Variants in RGS6 observed in about 807,000 individuals in gnomAD.
RGS6 encodes the protein regulator of G-protein signaling 6.
Under a neutral mutation model 78.5 loss-of-function variants are expected in RGS6, and 30 were observed. The observed-to-expected ratio is 0.38, with a 90% confidence interval of 0.29 to 0.52. The LOEUF (loss-of-function observed/expected upper bound fraction) is 0.52. Ranked by LOEUF, RGS6 falls within the 20% of genes least tolerant of loss-of-function variation. The probability of loss-of-function intolerance (pLI) is 0.85; values close to 1 mark genes in which losing one functional copy is unlikely to be tolerated. For missense variants in RGS6, 495 were observed against 609.7 expected (o/e 0.81, Z 1.98); for synonymous variants, 206 against 206.0 (o/e 1.00, Z 0.00).
chr14:72,490,287 T>A (rs1197411915), intron 12 of RGS6, among the ~76,000 whole-genome samples: 1 of 152,226 alleles, frequency 6.6e-6, no homozygotes, highest in Non-Finnish European at 1.5e-5. Context: ...ATGTAAGACA[T>A]GACTTGCTCC....
chr14:71,906,807 A>G, the RGS6 span, among the ~76,000 whole-genome samples: 2 of 152,276 alleles, frequency 1.3e-5, no homozygotes, highest in Admixed American at 6.5e-5. Flanking sequence ...GCTGAAAAGC[A>G]TAATACTAAT....
chr14:72,590,287 A>G, the RGS6 span, among the ~76,000 whole-genome samples: 2 of 152,262 alleles, frequency 1.3e-5, no homozygotes, highest in African/African-American at 4.8e-5. Context: ...CATCCTAGGT[A>G]TTTAACCAAG....
chr14:72,453,427 A>G (rs1234275581), intron 3 of RGS6, among the ~76,000 whole-genome samples: 1 of 151,056 alleles, frequency 6.6e-6, no homozygotes, highest in African/African-American at 2.4e-5. Flanking sequence ...CATCCCGGCT[A>G]AAACGGTGAA....
At chr14:72,424,852 G>A (rs2094367108) in intron 3 of RGS6, among the ~76,000 whole-genome samples, 3 of 152,166 alleles carry the variant, frequency 2.0e-5, no homozygotes, top group Admixed American at 2.0e-4. Context: ...TGTGCAGATG[G>A]TCTTTCAATA....
At chr14:71,977,108 G>T (rs527755275) in intron 2 of RGS6, among the ~76,000 whole-genome samples, 17 of 117,044 alleles carry the variant, frequency 1.5e-4, no homozygotes, top group Admixed American at 3.4e-4. Flanking sequence ...TTGATGGGGT[G>T]GTTTGTTTTT....
chr14:72,253,890 T>C (rs2056453521), intron 2 of RGS6, among the ~76,000 whole-genome samples: 1 of 152,226 alleles, frequency 6.6e-6, no homozygotes, highest in Non-Finnish European at 1.5e-5. Context: ...CGCCTATCTG[T>C]ACTGATACAG....
intron 3 of RGS6, among the ~76,000 whole-genome samples, chr14:72,373,674 C>A (rs544942906): frequency 2.0e-5 from 3 of 152,220 alleles, no homozygotes; most frequent in South Asian, 4.2e-4. Flanking sequence ...TGGAAATAAT[C>A]GTTTTGTCTT....
intron 2 of RGS6, among the ~76,000 whole-genome samples, chr14:72,123,306 A>G (rs908988203): frequency 2.0e-5 from 3 of 152,230 alleles, no homozygotes; most frequent in Non-Finnish European, 2.9e-5. Context: ...TACCTCCAGT[A>G]TCCAACAAGT....
At chr14:72,529,652 C>G (rs2097158388) in intron 15 of RGS6, among the ~76,000 whole-genome samples, 1 of 152,108 alleles carries the variant, frequency 6.6e-6, no homozygotes, top group South Asian at 2.1e-4. Flanking sequence ...GACCAGACCC[C>G]CCCCTCCCTG....
intron 2 of RGS6, among the ~76,000 whole-genome samples, chr14:72,325,622 A>G (rs139257701): frequency 3.4e-4 from 52 of 152,254 alleles, no homozygotes; most frequent in Admixed American, 3.3e-4. Context: ...TCCTTTCCCC[A>G]TTTCTTATTT....
At chr14:71,884,182 T>C in the RGS6 span, among the ~76,000 whole-genome samples, 1 of 152,218 alleles carries the variant, frequency 6.6e-6, no homozygotes, top group African/African-American at 2.4e-5. Context: ...AGTGTCGTTG[T>C]GTTGTTTCCC....
At chr14:72,539,849 GCTTCTGT>G (rs1354001967) in intron 16 of RGS6, among the ~76,000 whole-genome samples, 185 bp from the exon 17 acceptor site, 4 of 152,208 alleles carry the variant, frequency 2.6e-5, no homozygotes, top group African/African-American at 9.7e-5. Flanking sequence ...TTTCTCGTGG[GCTTCTGT>G]CTTCTGTCTC....
chr14:72,484,192 T>C (rs775848481), intron 12 of RGS6, among the ~76,000 whole-genome samples: 13 of 152,236 alleles, frequency 8.5e-5, no homozygotes, highest in Non-Finnish European at 1.9e-4. Context: ...TCTTCTCATG[T>C]AGAGGCTCTG....
chr14:72,463,009 C>T (rs2159194), intron 6 of RGS6, among the ~76,000 whole-genome samples: 107,024 of 152,110 alleles, frequency 0.7, 38,021 homozygotes, highest in East Asian at 0.97. Flanking sequence ...TACATTGAAA[C>T]TCGATAAGCT....
At chr14:72,014,592 A>G (rs772389000) in intron 2 of RGS6, among the ~76,000 whole-genome samples, 4 of 152,184 alleles carry the variant, frequency 2.6e-5, no homozygotes, top group Non-Finnish European at 5.9e-5. Context: ...TAATAATGTC[A>G]TGAGACTTGA....
chr14:72,251,055 G>A (rs2055631381), intron 2 of RGS6, among the ~76,000 whole-genome samples: 1 of 152,236 alleles, frequency 6.6e-6, no homozygotes, highest in Non-Finnish European at 1.5e-5. Context: ...GATGGTGGAT[G>A]CATGAAATTG....
chr14:72,504,921 A>ATT (rs34953560), intron 13 of RGS6, among the ~76,000 whole-genome samples: 1,506 of 76,030 alleles, frequency 0.02, 134 homozygotes, highest in East Asian at 0.036. Flanking sequence ...CGCCCAGCTA[A>ATT]TTTTTTTTTT....
intron 7 of RGS6, among the ~76,000 whole-genome samples, chr14:72,469,070 A>G (rs1173016353): frequency 6.6e-6 from 1 of 152,078 alleles, no homozygotes; most frequent in Non-Finnish European, 1.5e-5. Flanking sequence ...GCCCATCCTC[A>G]TGTTCCATTA....
intron 13 of RGS6, among the ~76,000 whole-genome samples, chr14:72,504,701 G>A (rs1485851161): frequency 6.7e-6 from 1 of 149,480 alleles, no homozygotes; most frequent in African/African-American, 2.5e-5. Context: ...AGCAGTTTAG[G>A]TTCCTCTCCC....
Sources: gnomAD v4.1 joint callset for allele counts (sites outside exome capture counted in the v4.1 genomes callset) on GRCh38, gnomAD v4.1.1 for gene constraint, MANE v1.5 for transcripts, NCBI Gene and HGNC (gene_info 2026-07-23, HGNC 2026-07-21) for gene names.